VEPH1: variants seen among roughly 807,000 people sequenced by gnomAD.
The protein encoded by VEPH1 is ventricular zone-expressed PH domain-containing protein homolog 1.
Under a neutral mutation model 85.2 loss-of-function variants are expected in VEPH1, and 80 were observed. The ratio of observed to expected loss-of-function variants is 0.94; its 90% CI spans 0.78 to 1.13. The LOEUF is 1.13. Among genes scored for constraint, VEPH1 ranks in the 50% most tolerant of loss-of-function variants. VEPH1 has a pLI of 0.00. For missense variants in VEPH1, 955 were observed against 980.5 expected (o/e 0.97, Z 0.35); for synonymous variants, 297 against 348.0 (o/e 0.85, Z 1.63).
Position 157,446,727 on chromosome 3 carries a change from T to C in VEPH1, c.529+13454A>G, listed in dbSNP as rs147171248. Among the ~76,000 whole-genome samples, 215 of 152,372 alleles carry C rather than the reference T, an allele frequency of 1.4e-3. 1 individual carries two copies. Among genetic ancestry groups the C allele is most frequent in the African/African-American group, 5.0e-3 (208 of 41,588 alleles). On this transcript the variant is annotated intron_variant, in intron 4 of 13. Transcript: ENST00000362010. ...AAGTCTTGGTTAAGGTAATTGTATA[T>C]GTTCATTGATGTATTCTTGGATTCA... is the stretch of plus-strand genomic sequence containing the variant.
intron 2 of VEPH1, among the ~76,000 whole-genome samples, chr3:157,492,710 C>A (rs889874495): frequency 6.6e-6 from 1 of 152,124 alleles, no homozygotes; most frequent in Non-Finnish European, 1.5e-5. Context: ...AACATGTTAA[C>A]AATTTGAACT....
chr3:157,442,749 G>A (rs745911276), intron 4 of VEPH1: 1 of 1,614,228 alleles, frequency 6.2e-7, no homozygotes, highest in East Asian at 2.2e-5. Flanking sequence ...TCCTGAGGGA[G>A]GAATCCTGCA....
At chr3:157,433,316 G>A (rs1051708719) in intron 4 of VEPH1, among the ~76,000 whole-genome samples, 1 of 152,086 alleles carries the variant, frequency 6.6e-6, no homozygotes, top group Non-Finnish European at 1.5e-5. Context: ...CTTTTCAAAA[G>A]TATGTTTCCA....
intron 7 of VEPH1, among the ~76,000 whole-genome samples, chr3:157,370,628 C>G (rs1289228824): frequency 6.6e-6 from 1 of 152,206 alleles, no homozygotes; most frequent in Non-Finnish European, 1.5e-5. Flanking sequence ...CAATAAGACT[C>G]AGTTCTTGGT....
intron 2 of VEPH1, among the ~76,000 whole-genome samples, chr3:157,478,849 G>T (rs2109561036): frequency 6.6e-6 from 1 of 152,170 alleles, no homozygotes; most frequent in East Asian, 1.9e-4. Flanking sequence ...GCCCCTTAAA[G>T]CTATGAATTT....
intron 12 of VEPH1, among the ~76,000 whole-genome samples, chr3:157,269,592 C>G (rs972595962): frequency 6.7e-6 from 1 of 149,746 alleles, no homozygotes; most frequent in African/African-American, 2.5e-5. Flanking sequence ...TTTTATATCC[C>G]GTATCTTAAA....
chr3:157,315,246 T>C (rs1157036917), intron 10 of VEPH1, among the ~76,000 whole-genome samples: 1 of 152,052 alleles, frequency 6.6e-6, no homozygotes, highest in Admixed American at 6.5e-5. Context: ...CAAAATAAAC[T>C]ATTTCTAGTA....
chr3:157,319,837 C>G (rs1721174234), intron 9 of VEPH1, among the ~76,000 whole-genome samples: 1 of 152,186 alleles, frequency 6.6e-6, no homozygotes, highest in Admixed American at 6.5e-5. Flanking sequence ...AGTCTCAGAT[C>G]ACATAAAATG....
At chr3:157,481,856 T>G (rs968824954) in intron 2 of VEPH1, among the ~76,000 whole-genome samples, 24 of 152,152 alleles carry the variant, frequency 1.6e-4, no homozygotes, top group Non-Finnish European at 3.4e-4. Flanking sequence ...TATCCTTTCC[T>G]CATTGCTTAG....
intron 4 of VEPH1, among the ~76,000 whole-genome samples, chr3:157,451,462 T>C (rs1468357150): frequency 1.3e-5 from 2 of 152,172 alleles, no homozygotes; most frequent in Non-Finnish European, 2.9e-5. Context: ...AATAAATGTG[T>C]ACTTAAACTT....
intron 7 of VEPH1, 84 bp from the exon 8 acceptor site, chr3:157,364,596 C>A: frequency 7.7e-7 from 1 of 1,300,204 alleles, no homozygotes; most frequent in South Asian, 1.3e-5. Flanking sequence ...CTGCCTCTCA[C>A]TCAGAAGCAA....
At chr3:157,442,872 G>T (rs1163855672) in intron 4 of VEPH1, 1 of 1,614,240 alleles carries the variant, frequency 6.2e-7, no homozygotes, top group Admixed American at 1.7e-5. Flanking sequence ...TAGCAATGAA[G>T]AGATAAGAGA....
At chr3:157,482,858 G>C (rs1425333243) in intron 2 of VEPH1, among the ~76,000 whole-genome samples, 1 of 152,058 alleles carries the variant, frequency 6.6e-6, no homozygotes, top group Non-Finnish European at 1.5e-5. Context: ...AAATTTTACT[G>C]AAGTCGTTTA....
chr3:157,281,483 A>G (rs1256418075), intron 12 of VEPH1, among the ~76,000 whole-genome samples: 3 of 152,196 alleles, frequency 2.0e-5, no homozygotes, highest in Non-Finnish European at 2.9e-5. Flanking sequence ...CACATGTGGT[A>G]GAAGAAAAGA....
intron 7 of VEPH1, among the ~76,000 whole-genome samples, chr3:157,369,193 A>AAAAAAAAAAACAAAAAAAAC (rs1727182429): frequency 7.1e-6 from 1 of 140,572 alleles, no homozygotes; most frequent in South Asian, 2.5e-4. Context: ...AAAAAAAAAA[A>AAAAAAAAAAACAAAAAAAAC]AAAAAAAAAA....
intron 11 of VEPH1, among the ~76,000 whole-genome samples, chr3:157,292,880 G>A (rs1717674518): frequency 6.6e-6 from 1 of 150,824 alleles, no homozygotes. Context: ...CTACTTGGGA[G>A]GCTGAGGCAG....
chr3:157,500,161 G>T (rs1018548450), intron 1 of VEPH1, among the ~76,000 whole-genome samples: 16 of 152,288 alleles, frequency 1.1e-4, no homozygotes, highest in South Asian at 6.2e-4. Context: ...TCAGGCAAAA[G>T]GTTTATCCTG....
intron 11 of VEPH1, among the ~76,000 whole-genome samples, chr3:157,301,972 G>A (rs1212629036): frequency 1.3e-5 from 2 of 152,080 alleles, no homozygotes; most frequent in Admixed American, 6.5e-5. Context: ...CTTCAGATTC[G>A]GATGTCTGAA....
rs375796074 is a variant in VEPH1, at chr3:157,310,960, A to G, written c.2010+2661T>C. On this transcript the variant is annotated intron_variant, in intron 11 of 13. Coordinates refer to ENST00000362010, the MANE Select transcript of VEPH1 (RefSeq NM_001167912.2). ...GTGACAACCCTGATATCGCAAGGGT[A>G]TGTGTATCAGTTCTAGTTCCGCCAC... Among the ~76,000 whole-genome samples, 121 of 152,310 alleles carry G rather than the reference A, an allele frequency of 7.9e-4. 2 individuals are homozygous for G. In the South Asian group the frequency reaches 0.015, roughly 18 times the overall value.
Sources: gnomAD v4.1 joint callset for allele counts (sites outside exome capture counted in the v4.1 genomes callset) on GRCh38, gnomAD v4.1.1 for gene constraint, MANE v1.5 for transcripts, NCBI Gene and HGNC (gene_info 2026-07-23, HGNC 2026-07-21) for gene names.